FGF13: variants seen among roughly 807,000 people sequenced by gnomAD.
FGF13 encodes fibroblast growth factor 13, also known as fibroblast growth factor homologous factor 2.
A neutral mutation model predicts 19.5 loss-of-function variants in FGF13; 2 were observed. The observed-to-expected ratio is 0.10, with a 90% CI of 0.04 to 0.32. The LOEUF (loss-of-function observed/expected upper bound fraction) is 0.32. Among genes scored for constraint, FGF13 ranks in the 10% least tolerant of loss-of-function variants. The probability of loss-of-function intolerance (pLI) is 1.00; values close to 1 mark genes in which losing one functional copy is unlikely to be tolerated. For synonymous variants in FGF13, 72 were observed against 76.9 expected (o/e 0.94, Z 0.33); for missense variants, 113 against 192.7 (o/e 0.59, Z 2.45).
intron 3 of FGF13, among the ~76,000 whole-genome samples, chrX:138,824,075 A>G (rs886271919): frequency 3.6e-5 from 4 of 112,349 alleles, no homozygotes; most frequent in Non-Finnish European, 5.6e-5. Context: ...AGACTGATTG[A>G]GATCAAGGTA....
chrX:138,880,744 T>C (rs979894002), intron 1 of FGF13, among the ~76,000 whole-genome samples: 7 of 112,549 alleles, frequency 6.2e-5, no homozygotes, highest in Non-Finnish European at 1.3e-4. Flanking sequence ...CTTAGATGTA[T>C]AGGCTTATTT....
At chrX:138,817,879 T>G (rs2090972004) in intron 3 of FGF13, among the ~76,000 whole-genome samples, 1 of 112,219 alleles carries the variant, frequency 8.9e-6, no homozygotes, top group African/African-American at 3.2e-5. Flanking sequence ...TGGTCTCTGT[T>G]GCAACTGCTC....
intron 1 of FGF13, among the ~76,000 whole-genome samples, chrX:138,880,768 T>C (rs889959667): frequency 8.9e-6 from 1 of 112,254 alleles, no homozygotes; most frequent in Non-Finnish European, 1.9e-5. Context: ...AAACCTCAAT[T>C]CTACGCTATT....
At chrX:138,851,999 T>C (rs887973756) in intron 3 of FGF13, among the ~76,000 whole-genome samples, 3 of 111,366 alleles carry the variant, frequency 2.7e-5, no homozygotes, top group African/African-American at 9.8e-5. Flanking sequence ...TACCTAGGAA[T>C]ACAGCTAACA....
At chrX:139,115,297 C>T (rs780036109) in intron 1 of FGF13, among the ~76,000 whole-genome samples, 28 of 112,294 alleles carry the variant, frequency 2.5e-4, no homozygotes, top group Non-Finnish European at 4.7e-4. Flanking sequence ...ACAAAGCTCC[C>T]ATTTTATTCA....
chrX:138,900,589 A>G (rs193241239), intron 1 of FGF13, among the ~76,000 whole-genome samples: 25 of 111,248 alleles, frequency 2.2e-4, no homozygotes, highest in African/African-American at 7.5e-4. Flanking sequence ...TAGCTTCCCA[A>G]TATATCTCCC....
chrX:138,970,650 C>A (rs2091911980), intron 1 of FGF13, among the ~76,000 whole-genome samples: 1 of 111,198 alleles, frequency 9.0e-6, no homozygotes, highest in Non-Finnish European at 1.9e-5. Flanking sequence ...GGGGGACCCA[C>A]GATATTTGCT....
intron 3 of FGF13, among the ~76,000 whole-genome samples, chrX:138,818,538 A>ACACG (rs1338323391): frequency 1.9e-5 from 2 of 103,141 alleles, no homozygotes; most frequent in Admixed American, 1.0e-4. Context: ...ACACACACAC[A>ACACG]CACACACTCA....
chrX:138,772,032 A>G lies in FGF13; in HGVS notation c.218-63104T>C, dbSNP rs866036943. The stretch of plus-strand genomic sequence containing the variant: ...GATACATATGTGTATATATATATAT[A>G]TATATATATATATATATATATATAT... On this transcript the variant is annotated intron_variant, in intron 3 of 6. Transcript: ENST00000436198. 4.3e-3 allele frequency among the ~76,000 whole-genome samples: 336 copies of G among 78,135 alleles called. 4 individuals carry two copies. Among genetic ancestry groups the G allele is most frequent in the African/African-American group, 0.016 (332 of 20,360 alleles). The allele number at this position is 78,135 out of a possible 115,157, so 67.9% of individuals were successfully genotyped here. A position where few individuals can be genotyped will look rare whatever the true frequency, so the allele number is the denominator to read the frequency against.
Position 138,794,323 on chromosome X carries a change from A to G in FGF13, c.217+63189T>C, listed in dbSNP as rs530673535. ...AGGATTAAATTTTTTTAATGAAGTC[A>G]GCAAAACTATACAAGTTGCCATCAC... is the stretch of plus-strand genomic sequence containing the variant. On this transcript the variant is annotated intron_variant, in intron 3 of 6. Coordinates refer to the FGF13 transcript ENST00000436198. Among the ~76,000 whole-genome samples, 7 of 111,946 alleles carry G rather than the reference A, an allele frequency of 6.3e-5. No homozygotes were observed. The South Asian group carries it at 2.6e-3, about 42-fold the overall frequency.
chrX:138,757,587 A>G (rs1418678320), intron 3 of FGF13, among the ~76,000 whole-genome samples: 11 of 110,752 alleles, frequency 9.9e-5, no homozygotes, highest in African/African-American at 3.6e-4. Flanking sequence ...ACCAATAGTG[A>G]GCTGGCAGTA....
intron 1 of FGF13, among the ~76,000 whole-genome samples, chrX:139,089,331 T>C (rs1332201880): frequency 8.9e-6 from 1 of 112,189 alleles, no homozygotes; most frequent in African/African-American, 3.2e-5. Flanking sequence ...CATACTAAAG[T>C]CCTTTGCACT....
chrX:139,178,825 T>C (rs185890068), intron 1 of FGF13, among the ~76,000 whole-genome samples: 165 of 112,351 alleles, frequency 1.5e-3, no homozygotes, highest in African/African-American at 4.8e-3. Flanking sequence ...TTCCTCTCTG[T>C]CACAAACTGA....
chrX:138,981,497 T>C (rs1044620460), intron 1 of FGF13, among the ~76,000 whole-genome samples: 13 of 111,426 alleles, frequency 1.2e-4, no homozygotes, highest in Non-Finnish European at 1.7e-4. Context: ...GTCAGGTATA[T>C]ACCAACATGC....
At chrX:139,008,470 G>A (rs772926535) in intron 1 of FGF13, among the ~76,000 whole-genome samples, 75 of 112,317 alleles carry the variant, frequency 6.7e-4, no homozygotes, top group Non-Finnish European at 9.0e-4. Flanking sequence ...TACCTTCACC[G>A]GAGCAGGTGC....
intron 2 of FGF13, among the ~76,000 whole-genome samples, chrX:138,705,162 C>G (rs1249637356): frequency 9.0e-6 from 1 of 111,681 alleles, no homozygotes; most frequent in Admixed American, 9.6e-5. Flanking sequence ...ATGCTTGACA[C>G]CTAGTTTAGT....
intron 3 of FGF13, among the ~76,000 whole-genome samples, chrX:138,698,358 G>C (rs777803062): frequency 5.8e-4 from 64 of 110,480 alleles, no homozygotes; most frequent in African/African-American, 2.1e-3. Context: ...TGCAAAAGAA[G>C]GTAGAATAAA....
At chrX:139,175,792 T>A (rs1285951382) in intron 1 of FGF13, among the ~76,000 whole-genome samples, 1 of 112,219 alleles carries the variant, frequency 8.9e-6, no homozygotes, top group African/African-American at 3.2e-5. Flanking sequence ...TGCTGCTAGA[T>A]CCAGTTTACT....
rs1346816789 is a variant in FGF13 at position 138,779,599 on chromosome X, A to T, written c.218-70671T>A. 6.9e-4 allele frequency among the ~76,000 whole-genome samples: 74 copies of T among 107,937 alleles called. 1 individual carries two copies. The highest frequency in any genetic ancestry group is 4.7e-3 in the Middle Eastern group (1 of 214). 93.7% of individuals were successfully genotyped at this position (107,937 alleles called of 115,157 possible). Reference sequence around the variant, plus strand: ...ATGAAATGAATGAAATGAAGCGAGAAGGGAAGTTTAGAGAAAAAAGAATAA... The same window carrying T: ...ATGAAATGAATGAAATGAAGCGAGATGGGAAGTTTAGAGAAAAAAGAATAA... On this transcript the variant is annotated intron_variant, in intron 3 of 6. Transcript: ENST00000436198.
Sources: gnomAD v4.1 joint callset for allele counts (sites outside exome capture counted in the v4.1 genomes callset) on GRCh38, gnomAD v4.1.1 for gene constraint, MANE v1.5 for transcripts, NCBI Gene and HGNC (gene_info 2026-07-23, HGNC 2026-07-21) for gene names.